Variants in ADCY10 observed in about 807,000 individuals in gnomAD.
ADCY10 encodes adenylate cyclase type 10.
Under a neutral mutation model 183.3 loss-of-function variants are expected in ADCY10, and 156 were observed. The ratio of observed to expected loss-of-function variants is 0.85; its 90% CI spans 0.75 to 0.97. ADCY10 has a LOEUF of 0.97. Among genes scored for constraint, ADCY10 ranks in the 50% least tolerant of loss-of-function variants. The pLI is 0.00. For synonymous variants in ADCY10, 645 were observed against 670.0 expected, an observed-to-expected ratio of 0.96 and a Z score of 0.58; for missense variants, 1,745 against 1,934.3, an observed-to-expected ratio of 0.90 and a Z score of 1.84.
intron 25 of ADCY10, 107 bp downstream of exon 25, chr1:167,832,880 T>A: frequency 8.5e-7 from 1 of 1,180,844 alleles, no homozygotes. Flanking sequence ...CAAACAGGAG[T>A]CCTTGTGCCC....
chr1:167,896,347 G>C (rs1668972347), intron 7 of ADCY10, among the ~76,000 whole-genome samples: 1 of 152,166 alleles, frequency 6.6e-6, no homozygotes. Flanking sequence ...TTTATCCTAG[G>C]GGATACTTAT....
chr1:167,839,848 C>T (rs906696557), intron 21 of ADCY10, among the ~76,000 whole-genome samples: 41 of 152,184 alleles, frequency 2.7e-4, no homozygotes, highest in African/African-American at 6.0e-4. Flanking sequence ...CATAAACGCA[C>T]GTTTGTTGAA....
In ADCY10 at chr1:167,896,505, C is replaced by A. The variant is rs116647862; in HGVS notation, c.739+90G>T. 1,169 of 1,049,666 alleles carry A rather than the reference C, an allele frequency of 1.1e-3. 9 individuals are homozygous for A. In the African/African-American group the frequency reaches 0.017, roughly 15 times the overall value. 65.0% of individuals were successfully genotyped at this position (1,049,666 alleles called of 1,614,324 possible). A position where few individuals can be genotyped will look rare whatever the true frequency, so the allele number is the denominator to read the frequency against. Reference sequence around the variant, plus strand: ...GGACCAGGAGCTGTGTTGAGGAGCCCACCCACCAGTAATGAAGCTGTCGGC... The same window carrying A: ...GGACCAGGAGCTGTGTTGAGGAGCCAACCCACCAGTAATGAAGCTGTCGGC... On this transcript the variant is annotated intron_variant, in intron 7 of 32. Transcript: ENST00000367851.
intron 24 of ADCY10, 94 bp downstream of exon 24, chr1:167,833,876 G>T: frequency 1.0e-6 from 1 of 973,202 alleles, no homozygotes; most frequent in South Asian, 1.4e-5. Flanking sequence ...CAAGAGATGG[G>T]AGGAGGGTGT....
At chr1:167,911,375 C>T (rs909039005) in intron 1 of ADCY10, among the ~76,000 whole-genome samples, 3 of 152,242 alleles carry the variant, frequency 2.0e-5, no homozygotes, top group Non-Finnish European at 1.5e-5. Flanking sequence ...GTTCTTGGCT[C>T]CCACAATGTA....
chr1:167,906,270 T>C (rs1669807440), intron 1 of ADCY10, among the ~76,000 whole-genome samples: 1 of 151,980 alleles, frequency 6.6e-6, no homozygotes, highest in African/African-American at 2.4e-5. Context: ...AAATGAGTGC[T>C]AAATGTTACA....
In ADCY10 at chr1:167,878,419, A is replaced by G. The variant is rs373499202; in HGVS notation, c.1406+27T>C. ...TTCTCCCGCTTCTTTACTAAAATAT[A>G]CTTCAAAATTAATGCTCCACACTCA... is the stretch of plus-strand genomic sequence containing the variant. On this transcript the variant is annotated intron_variant, in intron 12 of 32. Transcript: ENST00000367851. The G allele has an allele frequency of 3.5e-5, 56 of 1,608,708 alleles. No homozygotes were observed. The East Asian group carries it at 1.1e-3, about 31-fold the overall frequency.
chr1:167,901,874 T>C (rs1423834071), intron 4 of ADCY10, 69 bp from the exon 5 acceptor site: 1 of 1,612,148 alleles, frequency 6.2e-7, no homozygotes, highest in Admixed American at 1.7e-5. Flanking sequence ...ATGAGATCTG[T>C]ATAGAAACTT....
At chr1:167,875,037 A>G (rs1558218379) in intron 13 of ADCY10, 94 bp downstream of exon 13, 1 of 1,030,210 alleles carries the variant, frequency 9.7e-7, no homozygotes, top group Non-Finnish European at 1.5e-6. Flanking sequence ...ATTTTGTGAT[A>G]ATTCATTAAG....
At chr1:167,894,423 C>T (rs1668815794) in intron 7 of ADCY10, among the ~76,000 whole-genome samples, 1 of 152,032 alleles carries the variant, frequency 6.6e-6, no homozygotes, top group South Asian at 2.1e-4. Context: ...TGGTTGCCTC[C>T]TATTTCCTCA....
intron 21 of ADCY10, 25 bp from the exon 22 acceptor site, chr1:167,837,343 A>G: frequency 6.3e-7 from 1 of 1,586,222 alleles, no homozygotes; most frequent in Non-Finnish European, 8.7e-7. Flanking sequence ...AATGAGTTGT[A>G]TGGGTCATTG....
At chr1:167,861,087 C>G in intron 14 of ADCY10, 24 bp from the exon 15 acceptor site, 2 of 1,595,036 alleles carry the variant, frequency 1.3e-6, no homozygotes, top group Non-Finnish European at 1.7e-6. Context: ...AATCAAGAAA[C>G]AGAAGAGAGT....
intron 8 of ADCY10, among the ~76,000 whole-genome samples, chr1:167,890,635 C>T (rs981823660): frequency 6.6e-6 from 1 of 152,136 alleles, no homozygotes; most frequent in Non-Finnish European, 1.5e-5. Flanking sequence ...TTGTGTCTTT[C>T]CCTTCAGGGT....
chr1:167,835,050 A>G (rs2101912232), intron 23 of ADCY10, among the ~76,000 whole-genome samples: 1 of 152,302 alleles, frequency 6.6e-6, no homozygotes, highest in South Asian at 2.1e-4. Flanking sequence ...ATAATTTTAT[A>G]TAAATCTAAG....
At chr1:167,834,833 C>T (rs1664075450) in intron 23 of ADCY10, 1 of 152,930 alleles carries the variant, frequency 6.5e-6, no homozygotes, top group Non-Finnish European at 1.5e-5. Context: ...TGCTTCTAAT[C>T]ATTGTCTTCT....
rs751444804 is a variant in ADCY10, at chr1:167,834,074, A to G, written c.3313T>C (p.Tyr1105His). 4 of 1,612,532 alleles carry G rather than the reference A, an allele frequency of 2.5e-6. No homozygotes were observed. The highest frequency in any genetic ancestry group is 4.5e-5 in the East Asian group (2 of 44,876). Residue 1105 changes from tyrosine to histidine, a missense_variant, in exon 24 of 33, where the codon TAC becomes CAC. Physicochemically the swap from Tyr to His is moderately conservative, Grantham distance 83. Coordinates refer to ENST00000367851, the MANE Select transcript of ADCY10 (RefSeq NM_018417.6). ...TTCTGTCCTTCATTCAAATACATGTATGCCTGTAACCAGCCCAAGGAGTAG... is the reference window on the plus strand; with the variant it reads ...TTCTGTCCTTCATTCAAATACATGTGTGCCTGTAACCAGCCCAAGGAGTAG... ...YLIFCDNYMA[Y>H]MYLNEGQKLL...
intron 13 of ADCY10, among the ~76,000 whole-genome samples, chr1:167,872,628 A>G (rs2102172332): frequency 6.6e-6 from 1 of 151,900 alleles, no homozygotes; most frequent in African/African-American, 2.4e-5. Context: ...AATTTCATTT[A>G]TAGCAGCCCT....
chr1:167,869,508 G>C (rs370904488), intron 14 of ADCY10, among the ~76,000 whole-genome samples: 4 of 152,192 alleles, frequency 2.6e-5, no homozygotes, highest in African/African-American at 9.7e-5. Context: ...CTAAAGGCAG[G>C]TAGCCCGGCG....
intron 1 of ADCY10, among the ~76,000 whole-genome samples, chr1:167,912,739 G>A (rs1019609357): frequency 3.9e-5 from 6 of 152,088 alleles, no homozygotes; most frequent in African/African-American, 1.4e-4. Context: ...TGTCTGTGTC[G>A]TTTTATCTAA....
Sources: allele counts gnomAD v4.1 joint callset (sites outside exome capture counted in the v4.1 genomes callset), GRCh38; gene constraint gnomAD v4.1.1; transcripts MANE v1.5; gene names NCBI Gene and HGNC (gene_info 2026-07-23, HGNC 2026-07-21).